Variants in CTNND2 observed in about 807,000 individuals in gnomAD.
CTNND2 encodes the protein catenin delta 2.
Under a neutral mutation model 144.4 loss-of-function variants are expected in CTNND2, and 22 were observed. The observed-to-expected ratio is 0.15, with a 90% CI of 0.11 to 0.22. The LOEUF (loss-of-function observed/expected upper bound fraction) is 0.22. Among genes scored for constraint, CTNND2 ranks in the 10% least tolerant of loss-of-function variants. The probability of loss-of-function intolerance (pLI) is 1.00; values close to 1 mark genes in which losing one functional copy is unlikely to be tolerated. For missense variants in CTNND2, 1,353 were observed against 1,618.8 expected, an observed-to-expected ratio of 0.84 and a Z score of 2.82; for synonymous variants, 751 against 695.6, an observed-to-expected ratio of 1.08 and a Z score of -1.25.
At chr5:11,611,113 G>A (rs921116460) in intron 2 of CTNND2, among the ~76,000 whole-genome samples, 2 of 152,114 alleles carry the variant, frequency 1.3e-5, no homozygotes, top group African/African-American at 2.4e-5. Flanking sequence ...GATAGTGAGT[G>A]AGTTCTCATG....
At chr5:11,103,254 T>C (rs925204945) in intron 14 of CTNND2, among the ~76,000 whole-genome samples, 1 of 151,130 alleles carries the variant, frequency 6.6e-6, no homozygotes. Context: ...AGTGCTGGGA[T>C]TACAGGCATG....
intron 2 of CTNND2, among the ~76,000 whole-genome samples, chr5:11,644,126 T>C (rs76580670): frequency 0.038 from 5,777 of 151,922 alleles, 210 homozygotes; most frequent in African/African-American, 0.097. Flanking sequence ...GCTGTTCTTC[T>C]CCACAGTGGG....
intron 15 of CTNND2, among the ~76,000 whole-genome samples, chr5:11,086,175 C>T (rs762349322): frequency 6.6e-5 from 10 of 152,054 alleles, no homozygotes; most frequent in Non-Finnish European, 8.8e-5. Context: ...TGGGAGCAGA[C>T]GGTGCCTCTC....
Position 11,129,212 on chromosome 5 carries a change from T to A in CTNND2, c.2160-11645A>T, listed in dbSNP as rs1342054872. On this transcript the variant is annotated intron_variant, in intron 12 of 21. Coordinates refer to ENST00000304623, the MANE Select transcript of CTNND2 (RefSeq NM_001332.4). The stretch of plus-strand genomic sequence containing the variant: ...ATATATAATATATATTATATATTTA[T>A]ATATTATATATAAATATATATTATA... Among the ~76,000 whole-genome samples the A allele has an allele frequency of 2.3e-4, 9 of 39,198 alleles. No homozygotes were observed. In the East Asian group the frequency reaches 9.3e-3, roughly 41 times the overall value. 25.7% of individuals were successfully genotyped at this position (39,198 alleles called of 152,430 possible).
intron 1 of CTNND2, among the ~76,000 whole-genome samples, chr5:11,797,882 G>GT (rs1357813409): frequency 2.6e-5 from 4 of 152,190 alleles, no homozygotes; most frequent in African/African-American, 9.6e-5. Context: ...AACAAAGCAT[G>GT]TTTTGTATGT....
At chr5:11,438,926 T>G (rs1764010907) in intron 3 of CTNND2, among the ~76,000 whole-genome samples, 1 of 152,094 alleles carries the variant, frequency 6.6e-6, no homozygotes, top group African/African-American at 2.4e-5. Context: ...ACATAGCGAT[T>G]AAAAAGTGGC....
intron 1 of CTNND2, among the ~76,000 whole-genome samples, chr5:11,799,901 A>T (rs1791588539): frequency 6.6e-6 from 1 of 152,024 alleles, no homozygotes. Flanking sequence ...ATATCAAAAC[A>T]CTCCATGCAT....
Position 11,729,306 on chromosome 5 carries a change from A to G in CTNND2, c.174+2830T>C, listed in dbSNP as rs950536961. Among the ~76,000 whole-genome samples, 8 of 152,136 alleles carry G rather than the reference A, an allele frequency of 5.3e-5. 1 individual carries two copies. The South Asian group carries it at 1.2e-3, about 24-fold the overall frequency. Reference sequence around the variant, plus strand: ...GGCTGTGTCCCCACCCAAATCCCCTATGTCTTCAGTCTGTTTCCACCTCCA... The same window carrying G: ...GGCTGTGTCCCCACCCAAATCCCCTGTGTCTTCAGTCTGTTTCCACCTCCA... On this transcript the variant is annotated intron_variant, in intron 2 of 21. Coordinates refer to ENST00000304623, the MANE Select transcript of CTNND2 (RefSeq NM_001332.4).
At chr5:11,365,010 G>C (rs1756830295) in intron 7 of CTNND2, 120 bp from the exon 8 acceptor site, 3 of 785,600 alleles carry the variant, frequency 3.8e-6, no homozygotes, top group East Asian at 2.7e-5. Flanking sequence ...GAAACCAAAT[G>C]AATAGCATGA....
intron 3 of CTNND2, among the ~76,000 whole-genome samples, chr5:11,521,956 T>C (rs879944083): frequency 1.3e-5 from 2 of 152,204 alleles, no homozygotes; most frequent in East Asian, 1.9e-4. Flanking sequence ...TTGAAGATCA[T>C]TGCTGCAACC....
chr5:11,151,190 G>GT (rs1346073045), intron 12 of CTNND2, among the ~76,000 whole-genome samples: 1 of 152,248 alleles, frequency 6.6e-6, no homozygotes, highest in African/African-American at 2.4e-5. Flanking sequence ...ATGTGTTACA[G>GT]TGCTGGAGAG....
intron 16 of CTNND2, among the ~76,000 whole-genome samples, chr5:11,059,881 T>C (rs1366008614): frequency 6.6e-6 from 1 of 152,230 alleles, no homozygotes; most frequent in Non-Finnish European, 1.5e-5. Context: ...GATATACCCA[T>C]ACACATGAAT....
rs1330112402 is a variant in CTNND2 at position 11,128,956 on chromosome 5, AAT to A, written c.2160-11391_2160-11390del. On this transcript the variant is annotated intron_variant, in intron 12 of 21. Transcript: ENST00000304623. Reference sequence around the variant, plus strand: ...ATATATATATTATATATAATATATAAATATATATAATATATAATATATAAATA... The same window carrying A: ...ATATATATATTATATATAATATATAAATATATAATATATAATATATAAATA... Among the ~76,000 whole-genome samples the A allele has an allele frequency of 1.3e-3, 51 of 39,594 alleles. 3 individuals are homozygous for A. The highest frequency in any genetic ancestry group is 3.6e-3 in the African/African-American group (49 of 13,550). The allele number at this position is 39,594 out of a possible 152,430, so 26.0% of individuals were successfully genotyped here.
At chr5:11,041,872 G>A (rs535563693) in intron 16 of CTNND2, among the ~76,000 whole-genome samples, 1 of 152,244 alleles carries the variant, frequency 6.6e-6, no homozygotes, top group South Asian at 2.1e-4. Flanking sequence ...ATAAATGCAG[G>A]AAATACTGTA....
In CTNND2 at chr5:11,094,783, A is replaced by G. The variant is rs569346681; in HGVS notation, c.2637+3792T>C. On this transcript the variant is annotated intron_variant, in intron 15 of 21. Coordinates refer to ENST00000304623, the MANE Select transcript of CTNND2 (RefSeq NM_001332.4). Reference sequence around the variant, plus strand: ...CTGGCCAGTTCTTGCATTTTTTAACATGTTGATTTCCGATAAGGACAGGGA... The same window carrying G: ...CTGGCCAGTTCTTGCATTTTTTAACGTGTTGATTTCCGATAAGGACAGGGA... 3.9e-5 allele frequency among the ~76,000 whole-genome samples: 6 copies of G among 152,262 alleles called. No homozygotes were observed. The South Asian group carries it at 8.3e-4, about 21-fold the overall frequency.
At chr5:11,564,091 A>G (rs1776888244) in intron 3 of CTNND2, among the ~76,000 whole-genome samples, 1 of 152,196 alleles carries the variant, frequency 6.6e-6, no homozygotes, top group Admixed American at 6.5e-5. Flanking sequence ...AGAGGGCGTG[A>G]GTCACTATAT....
intron 3 of CTNND2, among the ~76,000 whole-genome samples, chr5:11,474,785 G>A (rs1767563984): frequency 6.6e-6 from 1 of 152,156 alleles, no homozygotes; most frequent in Non-Finnish European, 1.5e-5. Context: ...CTTAGATTGA[G>A]TCCCATTAGC....
At chr5:11,333,477 T>C (rs1431645847) in intron 9 of CTNND2, among the ~76,000 whole-genome samples, 1 of 152,090 alleles carries the variant, frequency 6.6e-6, no homozygotes, top group Non-Finnish European at 1.5e-5. Flanking sequence ...ATTGCCCAGG[T>C]TGCTCTTTTT....
At chr5:11,629,295 G>A (rs1781306225) in intron 2 of CTNND2, among the ~76,000 whole-genome samples, 1 of 152,072 alleles carries the variant, frequency 6.6e-6, no homozygotes, top group Admixed American at 6.6e-5. Flanking sequence ...ACTCATGCAA[G>A]AGACAATAAG....
Sources: allele counts gnomAD v4.1 joint callset (sites outside exome capture counted in the v4.1 genomes callset), GRCh38; gene constraint gnomAD v4.1.1; transcripts MANE v1.5; gene names NCBI Gene and HGNC (gene_info 2026-07-23, HGNC 2026-07-21).